The following TMEM132C variants were observed in gnomAD, a reference collection of about 807,000 sequenced individuals.
TMEM132C encodes transmembrane protein 132C.
Under a neutral mutation model 61.4 loss-of-function variants are expected in TMEM132C, and 29 were observed. That is an observed-to-expected ratio of 0.47 (90% confidence interval 0.35 to 0.64). TMEM132C has a LOEUF of 0.64. Ranked by LOEUF, TMEM132C falls within the 30% of genes least tolerant of loss-of-function variation. TMEM132C has a pLI of 0.00. For synonymous variants in TMEM132C, 656 were observed against 633.1 expected, an observed-to-expected ratio of 1.04 and a Z score of -0.54; for missense variants, 1,408 against 1,476.9, an observed-to-expected ratio of 0.95 and a Z score of 0.76.
intron 1 of TMEM132C, among the ~76,000 whole-genome samples, chr12:128,280,105 A>G (rs1393155245): frequency 6.6e-6 from 1 of 152,180 alleles, no homozygotes; most frequent in Non-Finnish European, 1.5e-5. Context: ...TGCTACATAC[A>G]TGAAAATGGG....
intron 1 of TMEM132C, among the ~76,000 whole-genome samples, chr12:128,360,332 C>T (rs759748999): frequency 5.3e-5 from 8 of 151,632 alleles, no homozygotes; most frequent in Non-Finnish European, 1.2e-4. Flanking sequence ...TTGATTGGAG[C>T]GATTCTGTCC....
chr12:128,705,898 A>G lies in TMEM132C; in HGVS notation c.2930A>G (p.Glu977Gly). 6.4e-7 allele frequency: 1 copy of G among 1,551,382 alleles called. No homozygotes were observed. The highest frequency in any genetic ancestry group is 8.7e-7 in the Non-Finnish European group (1 of 1,146,978). Reference protein sequence around the residue: ...HSHDWVWLGNEAELLESMGDA... With the variant: ...HSHDWVWLGNGAELLESMGDA... ...CACGACTGGGTGTGGCTTGGCAATGAGGCCGAACTCCTGGAGAGCATGGGG... is the reference window on the plus strand; with the variant it reads ...CACGACTGGGTGTGGCTTGGCAATGGGGCCGAACTCCTGGAGAGCATGGGG... Residue 977 changes from glutamate (E) to glycine (G), a missense_variant, in exon 9 of 9, where the codon GAG (glutamate) becomes GGG (glycine). Physicochemically the swap from Glu to Gly is moderately conservative, Grantham distance 98. Transcript: ENST00000435159.
chr12:128,652,216 C>A (rs925049222), intron 4 of TMEM132C, among the ~76,000 whole-genome samples: 1 of 152,076 alleles, frequency 6.6e-6, no homozygotes, highest in Non-Finnish European at 1.5e-5. Flanking sequence ...ATGAGAGAAC[C>A]CTTACCCCAT....
chr12:128,548,276 C>T (rs1874034136), intron 3 of TMEM132C, among the ~76,000 whole-genome samples: 1 of 152,212 alleles, frequency 6.6e-6, no homozygotes, highest in Non-Finnish European at 1.5e-5. Context: ...TCACTGCTCT[C>T]TTCCAATTCT....
intron 1 of TMEM132C, among the ~76,000 whole-genome samples, chr12:128,336,319 G>A (rs1872790495): frequency 6.6e-6 from 1 of 152,088 alleles, no homozygotes; most frequent in Non-Finnish European, 1.5e-5. Flanking sequence ...TATATACATG[G>A]TCATTATAGA....
At chr12:128,398,261 G>A (rs917868591) in intron 1 of TMEM132C, among the ~76,000 whole-genome samples, 5 of 152,244 alleles carry the variant, frequency 3.3e-5, no homozygotes, top group African/African-American at 9.6e-5. Context: ...CTGTACATAC[G>A]TGCAAGCTGG....
At chr12:128,361,284 C>A (rs1437750108) in intron 1 of TMEM132C, among the ~76,000 whole-genome samples, 2 of 152,122 alleles carry the variant, frequency 1.3e-5, no homozygotes, top group Admixed American at 6.6e-5. Context: ...AACTGAAATT[C>A]TTTGGGGTTT....
chr12:128,543,960 C>G lies in TMEM132C; in HGVS notation c.978C>G (p.Ala326=). Residue 326 remains alanine (A), a synonymous_variant, in exon 3 of 9, where the codon GCC becomes GCG. Transcript: ENST00000435159. The part of the protein sequence containing the change: ...NSSVDLFILR[A]KVKKGVNILS... ...TCTCCCATCTTCATCCCCACAGAGCCAAGGTGAAGAAGGGGGTGAACATCC... is the reference window on the plus strand; with the variant it reads ...TCTCCCATCTTCATCCCCACAGAGCGAAGGTGAAGAAGGGGGTGAACATCC... 6.5e-7 allele frequency: 1 copy of G among 1,545,062 alleles called. No individual in the cohort carries two copies.
intron 3 of TMEM132C, among the ~76,000 whole-genome samples, chr12:128,599,049 G>T (rs571783052): frequency 7.5e-6 from 1 of 132,584 alleles, no homozygotes; most frequent in Admixed American, 7.3e-5. Context: ...GAAAAAAGAA[G>T]CCTGGGTGTT....
In TMEM132C at chr12:128,563,065, G is replaced by T. The variant is rs113209336; in HGVS notation, c.1121+18962G>T. The stretch of plus-strand genomic sequence containing the variant: ...GAAGCTCTTGACCCAGAAGCTCTGT[G>T]TCATGTCCCATGACAGAACAGACAT... On this transcript the variant is annotated intron_variant, in intron 3 of 8. Coordinates refer to ENST00000435159, the MANE Select transcript of TMEM132C (RefSeq NM_001136103.3). Among the ~76,000 whole-genome samples the T allele has an allele frequency of 4.6e-5, 7 of 152,340 alleles. No individual in the cohort carries two copies. In the South Asian group the frequency reaches 1.4e-3, roughly 32 times the overall value.
chr12:128,271,267 T>TATG, intron 1 of TMEM132C, among the ~76,000 whole-genome samples: 1 of 143,036 alleles, frequency 7.0e-6, no homozygotes, highest in South Asian at 2.2e-4. Flanking sequence ...ATAATAATAA[T>TATG]ATAATAATAA....
intron 2 of TMEM132C, among the ~76,000 whole-genome samples, chr12:128,468,074 C>T (rs1027522879): frequency 1.4e-4 from 21 of 152,104 alleles, no homozygotes; most frequent in South Asian, 2.1e-4. Flanking sequence ...CTGGTGATGA[C>T]GCAATGTCTG....
intron 2 of TMEM132C, among the ~76,000 whole-genome samples, chr12:128,480,680 A>G (rs1279371573): frequency 6.6e-6 from 1 of 152,150 alleles, no homozygotes; most frequent in African/African-American, 2.4e-5. Flanking sequence ...CCCACTTACT[A>G]GCATTTAGGG....
At chr12:128,600,032 G>C (rs1463389081) in intron 3 of TMEM132C, among the ~76,000 whole-genome samples, 1 of 152,108 alleles carries the variant, frequency 6.6e-6, no homozygotes, top group Non-Finnish European at 1.5e-5. Context: ...ACCCAGGCTG[G>C]AGTGCAGTGG....
chr12:128,476,108 C>G (rs1355738310), intron 2 of TMEM132C, among the ~76,000 whole-genome samples: 1 of 152,202 alleles, frequency 6.6e-6, no homozygotes, highest in African/African-American at 2.4e-5. Flanking sequence ...GGGCAAACTT[C>G]CCTTCAGAGT....
intron 4 of TMEM132C, among the ~76,000 whole-genome samples, chr12:128,648,922 G>C (rs1954239372): frequency 6.6e-6 from 1 of 150,600 alleles, no homozygotes; most frequent in Non-Finnish European, 1.5e-5. Context: ...GAGTCCATCA[G>C]CATTGGATGA....
At chr12:128,623,511 G>A (rs550579517) in intron 4 of TMEM132C, among the ~76,000 whole-genome samples, 1 of 151,402 alleles carries the variant, frequency 6.6e-6, no homozygotes, top group African/African-American at 2.4e-5. Context: ...AAGATGATAA[G>A]ATGATATAAC....
At chr12:128,490,663 A>G (rs954641581) in intron 2 of TMEM132C, among the ~76,000 whole-genome samples, 11 of 152,218 alleles carry the variant, frequency 7.2e-5, no homozygotes, top group South Asian at 2.1e-4. Context: ...TAACAAGCCA[A>G]TCACAAAGCC....
At chr12:128,604,822 A>G (rs1006594662) in intron 3 of TMEM132C, among the ~76,000 whole-genome samples, 6 of 147,534 alleles carry the variant, frequency 4.1e-5, no homozygotes, top group African/African-American at 1.5e-4. Context: ...GGATGGATGG[A>G]TGGATAATAG....
Sources: gnomAD v4.1 joint callset for allele counts (sites outside exome capture counted in the v4.1 genomes callset) on GRCh38, gnomAD v4.1.1 for gene constraint, MANE v1.5 for transcripts, NCBI Gene and HGNC (gene_info 2026-07-23, HGNC 2026-07-21) for gene names.